GABBR2: variants seen among roughly 807,000 people sequenced by gnomAD.
GABBR2 encodes G-protein coupled receptor 51.
A neutral mutation model predicts 105.6 loss-of-function variants in GABBR2; 23 were observed. The ratio of observed to expected loss-of-function variants is 0.22; its 90% confidence interval spans 0.16 to 0.31. The LOEUF (loss-of-function observed/expected upper bound fraction) is 0.31. Among genes scored for constraint, GABBR2 ranks in the 10% least tolerant of loss-of-function variants. GABBR2 has a pLI of 1.00. For synonymous variants in GABBR2, 478 were observed against 499.7 expected (o/e 0.96, Z 0.58); for missense variants, 734 against 1,245.5 (o/e 0.59, Z 6.18).
At chr9:98,689,189 T>C (rs1830655558) in intron 1 of GABBR2, among the ~76,000 whole-genome samples, 1 of 152,202 alleles carries the variant, frequency 6.6e-6, no homozygotes, top group Non-Finnish European at 1.5e-5. Flanking sequence ...AGTTGATTTC[T>C]TGAGGTCCCT....
chr9:98,293,030 A>T (rs142844469), intron 18 of GABBR2, among the ~76,000 whole-genome samples: 2 of 152,274 alleles, frequency 1.3e-5, no homozygotes, highest in Admixed American at 1.3e-4. Flanking sequence ...TCTAATACTA[A>T]AGAGCCCCAA....
At chr9:98,484,481 C>T (rs16916407) in intron 4 of GABBR2, among the ~76,000 whole-genome samples, 4,089 of 152,040 alleles carry the variant, frequency 0.027, 168 homozygotes, top group African/African-American at 0.092. Context: ...TGCTTCTAGA[C>T]GGTGAGAAAG....
At chr9:98,439,408 A>G (rs1825991336) in intron 7 of GABBR2, among the ~76,000 whole-genome samples, 1 of 152,258 alleles carries the variant, frequency 6.6e-6, no homozygotes, top group South Asian at 2.1e-4. Context: ...AGGGACAGTC[A>G]GCAAAGTCTT....
At chr9:98,344,240 C>T (rs1445495983) in intron 13 of GABBR2, among the ~76,000 whole-genome samples, 1 of 152,188 alleles carries the variant, frequency 6.6e-6, no homozygotes, top group Non-Finnish European at 1.5e-5. Context: ...ATCTCCAGCC[C>T]ACACCTCTCC....
intron 3 of GABBR2, among the ~76,000 whole-genome samples, chr9:98,539,004 G>A (rs147999662): frequency 6.5e-4 from 99 of 152,344 alleles, no homozygotes; most frequent in African/African-American, 2.3e-3. Flanking sequence ...GAGATGCCCT[G>A]AAACCCTGGC....
intron 13 of GABBR2, among the ~76,000 whole-genome samples, chr9:98,334,163 A>G (rs1446348691): frequency 6.6e-6 from 1 of 152,240 alleles, no homozygotes; most frequent in African/African-American, 2.4e-5. Context: ...CTCAGATCTA[A>G]ACTTGCTGGA....
intron 2 of GABBR2, among the ~76,000 whole-genome samples, chr9:98,566,690 A>T (rs945288233): frequency 6.6e-6 from 1 of 150,648 alleles, no homozygotes; most frequent in Non-Finnish European, 1.5e-5. Flanking sequence ...GAAAAAAAAA[A>T]TTTAAATTAG....
chr9:98,412,951 A>C (rs534700481), intron 7 of GABBR2, among the ~76,000 whole-genome samples: 2 of 152,214 alleles, frequency 1.3e-5, no homozygotes, highest in Non-Finnish European at 2.9e-5. Flanking sequence ...GGCTGTCTAG[A>C]CTTTATTGAA....
At chr9:98,530,998 G>A (rs1032426759) in intron 3 of GABBR2, among the ~76,000 whole-genome samples, 1 of 152,124 alleles carries the variant, frequency 6.6e-6, no homozygotes, top group South Asian at 2.1e-4. Flanking sequence ...GCACCAGGAA[G>A]TGTCCCTGGT....
intron 7 of GABBR2, among the ~76,000 whole-genome samples, chr9:98,416,181 T>A (rs1832686984): frequency 6.6e-6 from 1 of 152,148 alleles, no homozygotes; most frequent in Non-Finnish European, 1.5e-5. Flanking sequence ...AACAACTGGC[T>A]CTCAGCTCTC....
In GABBR2 at chr9:98,581,676, A is replaced by AT. The variant is rs575497458; in HGVS notation, c.322-3605dup. On this transcript the variant is annotated intron_variant, in intron 1 of 18. Transcript: ENST00000259455. ...TCATGTTTTAATTGTTTCTACCATG[A>AT]TTTTTTTTTTTGGAATCTACCATGA... 6.3e-4 allele frequency among the ~76,000 whole-genome samples: 93 copies of AT among 147,454 alleles called. No homozygotes were observed. In the South Asian group the frequency reaches 6.4e-3, roughly 10 times the overall value.
intron 4 of GABBR2, among the ~76,000 whole-genome samples, chr9:98,485,727 T>C (rs922045673): frequency 1.3e-5 from 2 of 152,210 alleles, no homozygotes; most frequent in African/African-American, 2.4e-5. Flanking sequence ...GAAAGATTCA[T>C]GAGCAAAGCA....
chr9:98,311,057 G>C, intron 14 of GABBR2, 38 bp downstream of exon 14: 1 of 1,118,538 alleles, frequency 8.9e-7, no homozygotes. Context: ...CAACAAAGAA[G>C]TGTCCCCCCT....
chr9:98,621,001 G>A (rs1313225615), intron 1 of GABBR2, among the ~76,000 whole-genome samples: 1 of 152,042 alleles, frequency 6.6e-6, no homozygotes, highest in Non-Finnish European at 1.5e-5. Context: ...CAATGGCTCA[G>A]TGGGGGAAAA....
At chr9:98,671,991 T>C (rs1231042416) in intron 1 of GABBR2, among the ~76,000 whole-genome samples, 2 of 152,200 alleles carry the variant, frequency 1.3e-5, no homozygotes, top group East Asian at 3.8e-4. Context: ...GGTTTCTTGT[T>C]TGTAGAACTG....
At chr9:98,437,548 C>T (rs1420783921) in intron 7 of GABBR2, among the ~76,000 whole-genome samples, 1 of 151,800 alleles carries the variant, frequency 6.6e-6, no homozygotes, top group Non-Finnish European at 1.5e-5. Context: ...CACCTATCTA[C>T]ACATCTATCC....
At chr9:98,395,893 G>A (rs1240399541) in intron 8 of GABBR2, among the ~76,000 whole-genome samples, 6 of 152,130 alleles carry the variant, frequency 3.9e-5, no homozygotes, top group Admixed American at 6.5e-5. Flanking sequence ...GGTACTGACC[G>A]AGCCTCTATA....
chr9:98,331,483 G>A (rs894709894), intron 13 of GABBR2, among the ~76,000 whole-genome samples: 3 of 148,184 alleles, frequency 2.0e-5, no homozygotes, highest in African/African-American at 7.6e-5. Context: ...AGGGCCCCGG[G>A]CGGAGCTATT....
chr9:98,692,665 G>A (rs1021909067), intron 1 of GABBR2, among the ~76,000 whole-genome samples: 2 of 152,182 alleles, frequency 1.3e-5, no homozygotes, highest in South Asian at 4.1e-4. Flanking sequence ...GCTCAGAGTC[G>A]GGCCAACTTA....
Sources: gnomAD v4.1 joint callset for allele counts (sites outside exome capture counted in the v4.1 genomes callset) on GRCh38, gnomAD v4.1.1 for gene constraint, MANE v1.5 for transcripts, NCBI Gene and HGNC (gene_info 2026-07-23, HGNC 2026-07-21) for gene names.